SGCD: variants seen among roughly 807,000 people sequenced by gnomAD.
The protein encoded by SGCD is delta-sarcoglycan.
A neutral mutation model predicts 36.6 loss-of-function variants in SGCD; 18 were observed. The ratio of observed to expected loss-of-function variants is 0.49; its 90% CI spans 0.34 to 0.73. The LOEUF (loss-of-function observed/expected upper bound fraction) is 0.73, where lower values mean the gene tolerates loss of function less well. Among genes scored for constraint, SGCD ranks in the 30% least tolerant of loss-of-function variants. The pLI, the probability that SGCD is intolerant of heterozygous loss-of-function variation, is 0.01. For missense variants in SGCD, 387 were observed against 346.7 expected, an observed-to-expected ratio of 1.12 and a Z score of -0.92; for synonymous variants, 133 against 130.6, an observed-to-expected ratio of 1.02 and a Z score of -0.12.
At chr5:156,206,186 T>TA (rs1450153285) in intron 3 of SGCD, among the ~76,000 whole-genome samples, 2 of 151,810 alleles carry the variant, frequency 1.3e-5, no homozygotes, top group Non-Finnish European at 2.9e-5. Flanking sequence ...AAGTTTTTCA[T>TA]AAAAATGTGT....
At chr5:156,265,547 C>T (rs1381374564) in intron 3 of SGCD, among the ~76,000 whole-genome samples, 1 of 151,754 alleles carries the variant, frequency 6.6e-6, no homozygotes, top group Admixed American at 6.6e-5. Context: ...TATTTGAGCT[C>T]ATAGCCTTAA....
intron 3 of SGCD, among the ~76,000 whole-genome samples, chr5:156,304,332 GA>G (rs1767142199): frequency 1.3e-5 from 2 of 152,266 alleles, no homozygotes; most frequent in Admixed American, 1.3e-4. Flanking sequence ...GAATCATGGG[GA>G]CAGGTCTTTC....
intron 1 of SGCD, among the ~76,000 whole-genome samples, chr5:156,001,819 G>A (rs1287282224): frequency 1.3e-5 from 2 of 152,246 alleles, no homozygotes; most frequent in East Asian, 1.9e-4. Flanking sequence ...CGGAGCCCCA[G>A]TCCTCCTGGC....
At chr5:156,206,984 A>G (rs1207049922) in intron 3 of SGCD, among the ~76,000 whole-genome samples, 1 of 152,076 alleles carries the variant, frequency 6.6e-6, no homozygotes. Flanking sequence ...AATGTTTATT[A>G]TATCAAAAAG....
At chr5:156,650,329 T>C (rs971619841) in intron 7 of SGCD, among the ~76,000 whole-genome samples, 1 of 152,042 alleles carries the variant, frequency 6.6e-6, no homozygotes, top group Non-Finnish European at 1.5e-5. Flanking sequence ...AAAGCATGAA[T>C]TTTTTTTAAT....
chr5:156,494,667 A>G (rs903632395), intron 3 of SGCD, among the ~76,000 whole-genome samples: 1 of 152,114 alleles, frequency 6.6e-6, no homozygotes, highest in Non-Finnish European at 1.5e-5. Flanking sequence ...TAGTCACACA[A>G]ATAATAAAAA....
intron 3 of SGCD, among the ~76,000 whole-genome samples, chr5:156,294,935 G>A (rs890145591): frequency 1.3e-5 from 2 of 152,172 alleles, no homozygotes; most frequent in African/African-American, 4.8e-5. Flanking sequence ...AGAATTATCT[G>A]TAGTTTTATT....
At chr5:156,177,235 C>T (rs777639769) in intron 3 of SGCD, among the ~76,000 whole-genome samples, 1 of 152,050 alleles carries the variant, frequency 6.6e-6, no homozygotes, top group Non-Finnish European at 1.5e-5. Flanking sequence ...CTCTTGACCT[C>T]GTGATCCACT....
At chr5:156,744,727 A>G (rs1220329973) in intron 7 of SGCD, among the ~76,000 whole-genome samples, 9 of 152,332 alleles carry the variant, frequency 5.9e-5, no homozygotes, top group Non-Finnish European at 1.5e-5. Context: ...ACAAACTTCC[A>G]TGGAGCTTTC....
chr5:155,847,223 T>G, the SGCD span, among the ~76,000 whole-genome samples: 1 of 152,184 alleles, frequency 6.6e-6, no homozygotes, highest in Non-Finnish European at 1.5e-5. Flanking sequence ...CTCTATGAAT[T>G]TTGGGTATAC....
At chr5:156,579,961 T>C (rs553809346) in intron 4 of SGCD, among the ~76,000 whole-genome samples, 4 of 152,258 alleles carry the variant, frequency 2.6e-5, no homozygotes, top group South Asian at 2.1e-4. Flanking sequence ...TGATTATGAT[T>C]TTAGCTGGAT....
chr5:156,381,316 G>A (rs774210017), intron 3 of SGCD, among the ~76,000 whole-genome samples: 3 of 152,190 alleles, frequency 2.0e-5, no homozygotes, highest in Admixed American at 6.5e-5. Context: ...AAAAGGAAAC[G>A]TAAGGCTGCT....
chr5:156,748,983 T>A (rs1757049602), intron 7 of SGCD, among the ~76,000 whole-genome samples: 1 of 152,080 alleles, frequency 6.6e-6, no homozygotes, highest in African/African-American at 2.4e-5. Context: ...CAGGCTGGTC[T>A]CGAAATGCTG....
At chr5:156,145,285 C>A (rs1379949263) in intron 3 of SGCD, among the ~76,000 whole-genome samples, 1 of 152,182 alleles carries the variant, frequency 6.6e-6, no homozygotes, top group Non-Finnish European at 1.5e-5. Flanking sequence ...CTGGCTCCCC[C>A]TTCTCCTTCT....
intron 3 of SGCD, among the ~76,000 whole-genome samples, chr5:156,303,841 G>A (rs976803059): frequency 6.6e-6 from 1 of 151,712 alleles, no homozygotes; most frequent in Non-Finnish European, 1.5e-5. Flanking sequence ...TAAGTTGCAA[G>A]GCAAAGTCCT....
At chr5:155,844,734 T>G in the SGCD span, among the ~76,000 whole-genome samples, 1 of 152,070 alleles carries the variant, frequency 6.6e-6, no homozygotes, top group East Asian at 1.9e-4. Context: ...TGAAAGACAG[T>G]GAGTGACTCA....
intron 2 of SGCD, among the ~76,000 whole-genome samples, chr5:156,337,967 T>C (rs1768445072): frequency 1.3e-5 from 2 of 152,138 alleles, no homozygotes; most frequent in African/African-American, 4.8e-5. Context: ...CATAAATTCC[T>C]TTATGGAACA....
intron 4 of SGCD, among the ~76,000 whole-genome samples, chr5:156,553,580 C>T (rs1385905979): frequency 6.6e-6 from 1 of 152,072 alleles, no homozygotes; most frequent in Non-Finnish European, 1.5e-5. Flanking sequence ...TTCATCATCC[C>T]ATAAAGAAAC....
chr5:155,848,312 A>C, the SGCD span, among the ~76,000 whole-genome samples: 1 of 152,152 alleles, frequency 6.6e-6, no homozygotes, highest in East Asian at 1.9e-4. Context: ...ATGCTTAAAA[A>C]CAAAGAATCT....
Sources: allele counts gnomAD v4.1 joint callset (sites outside exome capture counted in the v4.1 genomes callset), GRCh38; gene constraint gnomAD v4.1.1; transcripts MANE v1.5; gene names NCBI Gene and HGNC (gene_info 2026-07-23, HGNC 2026-07-21).